Variants in LOC400499 observed in about 807,000 individuals in gnomAD.
the LOC400499 span, among the ~76,000 whole-genome samples, chr16:11,445,858 G>A: frequency 6.7e-6 from 1 of 148,728 alleles, no homozygotes; most frequent in Non-Finnish European, 1.5e-5. Flanking sequence ...TCCTGAGGCA[G>A]TGTCTTGCTC....
the LOC400499 span, among the ~76,000 whole-genome samples, chr16:11,474,119 G>T: frequency 8.5e-5 from 13 of 152,056 alleles, no homozygotes; most frequent in African/African-American, 3.1e-4. Flanking sequence ...TCGGCCTCCC[G>T]AAGTGTGGGG....
the LOC400499 span, chr16:11,487,332 G>A: frequency 6.5e-5 from 26 of 399,516 alleles, no homozygotes; most frequent in Admixed American, 4.4e-4. Context: ...GGGAAGAAAG[G>A]AGGCAGGAGA....
the LOC400499 span, among the ~76,000 whole-genome samples, chr16:11,454,363 C>G: frequency 6.6e-6 from 1 of 152,194 alleles, no homozygotes; most frequent in Non-Finnish European, 1.5e-5. Context: ...CCAATGCGAC[C>G]TTAACTGAAA....
chr16:11,455,946 G>A, the LOC400499 span, among the ~76,000 whole-genome samples: 2 of 151,540 alleles, frequency 1.3e-5, no homozygotes, highest in African/African-American at 2.4e-5. Context: ...ACCCAGCTTC[G>A]ACAATGAGCA....
chr16:11,498,429 C>T, the LOC400499 span, among the ~76,000 whole-genome samples: 26 of 152,190 alleles, frequency 1.7e-4, no homozygotes, highest in South Asian at 5.0e-3. Context: ...TTGCAGTGAG[C>T]CGAGATTGCG....
At chr16:11,399,328 C>G in the LOC400499 span, 6 of 1,047,806 alleles carry the variant, frequency 5.7e-6, no homozygotes, top group Non-Finnish European at 6.1e-6. Flanking sequence ...GATGAGAACA[C>G]TAAGGCTCAC....
At chr16:11,472,893 C>G in the LOC400499 span, 1 of 151,962 alleles carries the variant, frequency 6.6e-6, no homozygotes, top group East Asian at 1.9e-4. Flanking sequence ...TGTGGGAGGC[C>G]AAGGCGGGTG....
At chr16:11,510,153 C>G in the LOC400499 span, among the ~76,000 whole-genome samples, 1 of 151,708 alleles carries the variant, frequency 6.6e-6, no homozygotes, top group South Asian at 2.1e-4. Context: ...ACCCCCACAT[C>G]TCAGCCAAAG....
the LOC400499 span, chr16:11,449,193 G>A: frequency 8.3e-6 from 10 of 1,200,796 alleles, no homozygotes; most frequent in South Asian, 1.6e-4. Context: ...TTCCTGCTTG[G>A]TGAACTCCTC....
chr16:11,456,736 G>T, the LOC400499 span: 3 of 1,222,318 alleles, frequency 2.5e-6, no homozygotes, highest in East Asian at 2.5e-5. Context: ...CCCAGTTTGA[G>T]TCTTGAGTTA....
chr16:11,504,824 G>C, the LOC400499 span, among the ~76,000 whole-genome samples: 1 of 152,136 alleles, frequency 6.6e-6, no homozygotes, highest in African/African-American at 2.4e-5. Flanking sequence ...TCAAGAGGCT[G>C]AGACAGGAGA....
At chr16:11,387,952 G>C in the LOC400499 span, among the ~76,000 whole-genome samples, 2 of 152,140 alleles carry the variant, frequency 1.3e-5, no homozygotes, top group African/African-American at 4.8e-5. Flanking sequence ...CTACAGTTTA[G>C]GGGAGGACTG....
At chr16:11,518,393 T>A in the LOC400499 span, among the ~76,000 whole-genome samples, 1 of 151,868 alleles carries the variant, frequency 6.6e-6, no homozygotes, top group East Asian at 1.9e-4. Context: ...AATCCCAGGC[T>A]TGGCTGGGTC....
chr16:11,485,010 A>G, the LOC400499 span: 1 of 399,088 alleles, frequency 2.5e-6, no homozygotes, highest in Non-Finnish European at 4.4e-6. Flanking sequence ...TCCTGACCCC[A>G]GAATGACTTC....
At chr16:11,448,200 A>C in the LOC400499 span, 1 of 1,218,858 alleles carries the variant, frequency 8.2e-7, no homozygotes, top group Non-Finnish European at 1.1e-6. Flanking sequence ...CTATCCGAGA[A>C]TGGCTACTGA....
At chr16:11,471,454 A>C in the LOC400499 span, 11 of 391,106 alleles carry the variant, frequency 2.8e-5, no homozygotes, top group Non-Finnish European at 9.0e-6. Flanking sequence ...TGAGACCTAA[A>C]GACTGATTCA....
At chr16:11,414,197 G>A in the LOC400499 span, 2 of 397,984 alleles carry the variant, frequency 5.0e-6, no homozygotes, top group Non-Finnish European at 8.8e-6. Context: ...GATTATGAAT[G>A]AAGCCTTTGT....
chr16:11,393,580 G>A, the LOC400499 span: 26 of 1,232,178 alleles, frequency 2.1e-5, no homozygotes, highest in South Asian at 1.0e-3. Flanking sequence ...GAAGGCAGAG[G>A]CCTGAGTGGA....
At chr16:11,392,334 G>A in the LOC400499 span, 1 of 399,020 alleles carries the variant, frequency 2.5e-6, no homozygotes, top group Non-Finnish European at 4.4e-6. Context: ...TGGCCCAGCA[G>A]GCCCCCCTGG....
Sources: gnomAD v4.1 joint callset for allele counts (sites outside exome capture counted in the v4.1 genomes callset) on GRCh38, gnomAD v4.1.1 for gene constraint, MANE v1.5 for transcripts.